The following UBE2L3 variants were observed in gnomAD, a reference collection of about 807,000 sequenced individuals.
UBE2L3 encodes ubiquitin conjugating enzyme E2 L3, also known as ubiquitin-conjugating enzyme E2 L3.
Under a neutral mutation model 17.8 loss-of-function variants are expected in UBE2L3, and 1 was observed. The observed-to-expected ratio is 0.06, with a 90% CI of 0.02 to 0.27. UBE2L3 has a LOEUF of 0.27. UBE2L3 is among the 10% of genes least tolerant of loss of function. UBE2L3 has a pLI of 1.00. For missense variants in UBE2L3, 40 were observed against 192.6 expected, an observed-to-expected ratio of 0.21 and a Z score of 4.69; for synonymous variants, 44 against 68.5, an observed-to-expected ratio of 0.64 and a Z score of 1.76.
intron 2 of UBE2L3, among the ~76,000 whole-genome samples, 194 bp downstream of exon 2, chr22:21,593,150 C>T (rs1175006004): frequency 6.6e-6 from 1 of 152,012 alleles, no homozygotes. Flanking sequence ...TCTTGGCACT[C>T]GTTTTGTCAA....
chr22:21,575,396 G>A (rs1170353414), intron 1 of UBE2L3, among the ~76,000 whole-genome samples: 7 of 135,744 alleles, frequency 5.2e-5, no homozygotes, highest in Non-Finnish European at 9.3e-5. Context: ...GAAACATGAC[G>A]AAACCCCATC....
Position 21,592,905 on chromosome 22 carries a change from C to T in UBE2L3, c.72C>T (p.Asn24=). The part of the protein sequence containing the change: ...IRKCGMKNFR[N]IQVDEANLLT... ...AATGTGGGATGAAAAACTTCCGTAA[C>T]ATCCAGGTTGATGAAGCTAATTTAT... Residue 24 remains asparagine (N), a synonymous_variant, in exon 2 of 4, where the codon AAC becomes AAT. Transcript: ENST00000342192. 1 of 1,613,970 alleles carries T rather than the reference C, an allele frequency of 6.2e-7. No individual in the cohort carries two copies. The highest frequency in any genetic ancestry group is 1.3e-5 in the African/African-American group (1 of 75,040).
At chr22:21,600,844 C>G (rs1928819102) in intron 2 of UBE2L3, among the ~76,000 whole-genome samples, 2 of 152,066 alleles carry the variant, frequency 1.3e-5, no homozygotes, top group East Asian at 3.9e-4. Flanking sequence ...TTCAAATAAC[C>G]AAAAAGCCTG....
chr22:21,605,298 G>T (rs961479201), intron 2 of UBE2L3, among the ~76,000 whole-genome samples: 1 of 152,044 alleles, frequency 6.6e-6, no homozygotes, highest in Non-Finnish European at 1.5e-5. Context: ...GCTCACTGCA[G>T]CCGGTGCCTC....
intron 1 of UBE2L3, among the ~76,000 whole-genome samples, chr22:21,556,089 G>A (rs1926214775): frequency 6.6e-6 from 1 of 152,242 alleles, no homozygotes; most frequent in African/African-American, 2.4e-5. Flanking sequence ...AAATTAACTG[G>A]GCATGGTGGT....
At chr22:21,620,763 C>T (rs1350851097) in intron 3 of UBE2L3, among the ~76,000 whole-genome samples, 1 of 152,136 alleles carries the variant, frequency 6.6e-6, no homozygotes, top group East Asian at 1.9e-4. Context: ...TCAGAAACTC[C>T]TAAGGGTCTT....
At chr22:21,603,581 C>T (rs1056621028) in intron 2 of UBE2L3, among the ~76,000 whole-genome samples, 27 of 144,240 alleles carry the variant, frequency 1.9e-4, no homozygotes, top group Non-Finnish European at 3.4e-4. Context: ...CCGTGGCTCA[C>T]GCCTGTAATC....
chr22:21,582,245 C>T (rs1000784954), intron 1 of UBE2L3, among the ~76,000 whole-genome samples: 2 of 151,734 alleles, frequency 1.3e-5, no homozygotes, highest in African/African-American at 2.4e-5. Context: ...AGGTTTTAGT[C>T]CTTTTAGGAG....
upstream of UBE2L3, among the ~76,000 whole-genome samples, chr22:21,565,971 C>CTTTT (rs527289152): frequency 1.4e-3 from 173 of 122,646 alleles, 2 homozygotes; most frequent in South Asian, 6.2e-3. Flanking sequence ...CAGAGTACTC[C>CTTTT]TTTTTTTTTT....
At chr22:21,569,472 AT>A (rs1926840921) in intron 1 of UBE2L3, among the ~76,000 whole-genome samples, 1 of 151,446 alleles carries the variant, frequency 6.6e-6, no homozygotes, top group African/African-American at 2.4e-5. Context: ...CTGAATCTAT[AT>A]CCTCATCTCT....
chr22:21,563,932 C>T (rs573631834), upstream of UBE2L3, among the ~76,000 whole-genome samples: 171 of 151,794 alleles, frequency 1.1e-3, no homozygotes, highest in African/African-American at 3.4e-3. Context: ...TCTTGAACTC[C>T]GGGCCTCAAG....
At chr22:21,567,906 G>T in intron 1 of UBE2L3, 135 bp downstream of exon 1, 18 of 1,512,710 alleles carry the variant, frequency 1.2e-5, no homozygotes, top group Non-Finnish European at 1.5e-5. Flanking sequence ...TCCCTGGGCC[G>T]CGCGCAGGCT....
At chr22:21,570,069 T>C (rs1926874309) in intron 1 of UBE2L3, among the ~76,000 whole-genome samples, 1 of 152,190 alleles carries the variant, frequency 6.6e-6, no homozygotes, top group Admixed American at 6.5e-5. Flanking sequence ...TCAGAATGTG[T>C]TGTTTCCTCC....
chr22:21,622,140 T>G lies in UBE2L3; in HGVS notation c.*471T>G, dbSNP rs1301086726. ...GAAGAGACTGCCCTGGCGGTCCTGG[T>G]GGCTTTTCTTAGCATGTGTGGCACT... On this transcript the variant is annotated 3_prime_UTR_variant, in exon 4 of 4. Coordinates refer to ENST00000342192, the MANE Select transcript of UBE2L3 (RefSeq NM_003347.4). The G allele has an allele frequency of 1.2e-5, 2 of 161,438 alleles. No homozygotes were observed. The highest frequency in any genetic ancestry group is 2.7e-5 in the Non-Finnish European group (2 of 74,578). The allele number at this position is 161,438 out of a possible 1,614,324, so 10.0% of individuals were successfully genotyped here. A position where few individuals can be genotyped will look rare whatever the true frequency, so the allele number is the denominator to read the frequency against.
intron 2 of UBE2L3, among the ~76,000 whole-genome samples, chr22:21,604,643 T>A (rs1929051422): frequency 6.6e-6 from 1 of 152,232 alleles, no homozygotes; most frequent in South Asian, 2.1e-4. Flanking sequence ...CCTTGTTATT[T>A]CTGAGTGGCC....
Position 21,575,993 on chromosome 22 carries a change from C to T in UBE2L3, c.27+8222C>T, listed in dbSNP as rs62237352. 3.2e-3 allele frequency among the ~76,000 whole-genome samples: 480 copies of T among 152,190 alleles called. 3 individuals carry two copies. The highest frequency in any genetic ancestry group is 5.2e-3 in the Admixed American group (80 of 15,276). On this transcript the variant is annotated intron_variant, in intron 1 of 3. Coordinates refer to ENST00000342192, the MANE Select transcript of UBE2L3 (RefSeq NM_003347.4). ...TCTTTCTAATATCTCAGAAATTTAC[C>T]TTGCATATTGTAAACATCCAGTGTA...
chr22:21,560,298 G>A (rs1174853297), intron 1 of UBE2L3, among the ~76,000 whole-genome samples: 1 of 152,204 alleles, frequency 6.6e-6, no homozygotes, highest in East Asian at 1.9e-4. Context: ...GAGTGTTACT[G>A]TAATCCCTGA....
chr22:21,611,082 TG>T, intron 3 of UBE2L3, 39 bp downstream of exon 3: 1 of 1,539,798 alleles, frequency 6.5e-7, no homozygotes, highest in Non-Finnish European at 8.7e-7. Context: ...AGGGGGTCTT[TG>T]GGGGTGCTGC....
At chr22:21,594,835 T>C (rs1225171617) in intron 2 of UBE2L3, among the ~76,000 whole-genome samples, 1 of 152,146 alleles carries the variant, frequency 6.6e-6, no homozygotes, top group Non-Finnish European at 1.5e-5. Context: ...CCTTTTCTAA[T>C]TGAGATTGTG....
Sources: allele counts gnomAD v4.1 joint callset (sites outside exome capture counted in the v4.1 genomes callset), GRCh38; gene constraint gnomAD v4.1.1; transcripts MANE v1.5; gene names NCBI Gene and HGNC (gene_info 2026-07-23, HGNC 2026-07-21).